The following UBXN10 variants were observed in gnomAD, a reference collection of about 807,000 sequenced individuals.
UBXN10 encodes UBX domain protein 10.
UBXN10 carries 6 observed loss-of-function variants against 6.9 expected under a neutral mutation model. The observed-to-expected ratio is 0.87, with a 90% CI of 0.48 to 1.72. UBXN10 has a LOEUF of 1.72. Among genes scored for constraint, UBXN10 ranks in the 40% most tolerant of loss-of-function variants. UBXN10 has a pLI of 0.01. For missense variants in UBXN10, 317 were observed against 348.4 expected, an observed-to-expected ratio of 0.91 and a Z score of 0.72; for synonymous variants, 131 against 135.2, an observed-to-expected ratio of 0.97 and a Z score of 0.21.
rs2018492305 is a variant in UBXN10 at position 20,191,147 on chromosome 1, G to A, written c.586G>A (p.Glu196Lys). The A allele has an allele frequency of 1.9e-6, 3 of 1,614,208 alleles. No homozygotes were observed. Among genetic ancestry groups the A allele is most frequent in the Non-Finnish European group, 2.5e-6 (3 of 1,180,034 alleles). ...AAATCTGGAGGAACCATCGGACCAA[G>A]AACCAAGGTTGCTGCTTGCTGTTAG... ...AGNLEEPSDQ[E>K]PRLLLAVRSP... Residue 196 changes from glutamate to lysine, a missense_variant, in exon 2 of 2, where the codon GAA (glutamate) becomes AAA (lysine). Physicochemically the swap from Glu to Lys is moderately conservative, Grantham distance 56. Transcript: ENST00000375099. The surrounding 1 kb of genome is among the most constrained non-coding windows in gnomAD (Gnocchi z 4.5).
rs1339837214 is a variant in UBXN10, at chr1:20,190,994, A to G, written c.433A>G (p.Ile145Val). The change falls in exon 2 of 2, where the codon ATC (isoleucine) becomes GTC (valine). Residue 145 changes from isoleucine to valine, a missense_variant. Physicochemically the swap from Ile to Val is conservative, Grantham distance 29. Coordinates refer to ENST00000375099, the MANE Select transcript of UBXN10 (RefSeq NM_152376.5). ...KKASSLQLSS[I>V]RALYQDETGT... ...GGCCAGCTCACTGCAACTGAGCAGTATCCGGGCTCTTTACCAAGACGAGAC... is the reference window on the plus strand; with the variant it reads ...GGCCAGCTCACTGCAACTGAGCAGTGTCCGGGCTCTTTACCAAGACGAGAC... The G allele has an allele frequency of 1.2e-6, 2 of 1,614,178 alleles. No individual in the cohort carries two copies. Among genetic ancestry groups the G allele is most frequent in the Admixed American group, 1.7e-5 (1 of 60,018 alleles).
Position 20,193,946 on chromosome 1 carries a change from C to T in UBXN10, c.*2542C>T, listed in dbSNP as rs1169718289. On this transcript the variant is annotated 3_prime_UTR_variant, in exon 2 of 2. Transcript: ENST00000375099. ...CCTTGCCCAGTTTGGGGTCATAGAC[C>T]TCAGTTATTCATTTAACCGATGGCC... The T allele has an allele frequency of 6.0e-6, 1 of 167,058 alleles. No individual in the cohort carries two copies. 10.3% of individuals were successfully genotyped at this position (167,058 alleles called of 1,614,324 possible).
chr1:20,194,528 G>C lies in UBXN10; in HGVS notation c.*3124G>C, dbSNP rs1013013644. 2 of 167,048 alleles carry C rather than the reference G, an allele frequency of 1.2e-5. No homozygotes were observed. The highest frequency in any genetic ancestry group is 4.8e-5 in the African/African-American group (2 of 41,450). 10.3% of individuals were successfully genotyped at this position (167,048 alleles called of 1,614,324 possible). A position where few individuals can be genotyped will look rare whatever the true frequency, so the allele number is the denominator to read the frequency against. On this transcript the variant is annotated 3_prime_UTR_variant, in exon 2 of 2. Coordinates refer to ENST00000375099, the MANE Select transcript of UBXN10 (RefSeq NM_152376.5). ...ATAAAATGCTTCACAGAGAAACTAA[G>C]AGCAGCCTTGGGGCATTCATTCCAA...
upstream of UBXN10, among the ~76,000 whole-genome samples, chr1:20,185,827 T>TA (rs2018364976): frequency 6.6e-6 from 1 of 151,968 alleles, no homozygotes; most frequent in Non-Finnish European, 1.5e-5. Context: ...CGGCCAGGGC[T>TA]CTCCCTCTCC....
chr1:20,191,567 G>A lies in UBXN10; in HGVS notation c.*163G>A. Reference sequence around the variant, plus strand: ...CGTGTCCTCTGAAGCAGTGAAGTCTGTGCCTATGCCGAGCGCGCTAAGAAG... The same window carrying A: ...CGTGTCCTCTGAAGCAGTGAAGTCTATGCCTATGCCGAGCGCGCTAAGAAG... On this transcript the variant is annotated 3_prime_UTR_variant, in exon 2 of 2. Transcript: ENST00000375099. The surrounding 1 kb of genome is among the most constrained non-coding windows in gnomAD (Gnocchi z 4.5). The A allele has an allele frequency of 8.8e-7, 1 of 1,135,938 alleles. No homozygotes were observed. The highest frequency in any genetic ancestry group is 1.2e-6 in the Non-Finnish European group (1 of 814,316). The allele number at this position is 1,135,938 out of a possible 1,614,324, so 70.4% of individuals were successfully genotyped here.
chr1:20,183,453 T>C (rs772749851), upstream of UBXN10, among the ~76,000 whole-genome samples: 1 of 151,900 alleles, frequency 6.6e-6, no homozygotes, highest in Non-Finnish European at 1.5e-5. Flanking sequence ...TGGATGCAGG[T>C]TGTAAAATTG....
chr1:20,186,230 C>T (rs1004613216), intron 1 of UBXN10, 77 bp downstream of exon 1: 86 of 152,452 alleles, frequency 5.6e-4, no homozygotes, highest in African/African-American at 1.9e-3. Flanking sequence ...AGGCCAGTCC[C>T]CGAGACCCCA....
intron 1 of UBXN10, among the ~76,000 whole-genome samples, chr1:20,189,419 C>G (rs972611082): frequency 6.6e-6 from 1 of 152,042 alleles, no homozygotes; most frequent in African/African-American, 2.4e-5. Context: ...AAGTGGCCAC[C>G]AAGATGGCAA....
rs769189710 is a variant in UBXN10, at chr1:20,190,905, C to G, written c.344C>G (p.Pro115Arg). ...TGASSSLNKY[P>R]VLPSINRKNL... is the part of the protein sequence containing the mutation. ...GCTTCCTCTTCTCTCAATAAGTATC[C>G]AGTCCTTCCTTCCATCAACAGAAAG... Residue 115 changes from proline to arginine, a missense_variant, in exon 2 of 2, where the codon CCA (proline) becomes CGA (arginine). Pro to Arg is a moderately radical substitution (Grantham distance 103, BLOSUM62 -2). Coordinates refer to ENST00000375099, the MANE Select transcript of UBXN10 (RefSeq NM_152376.5). 1 of 1,614,118 alleles carries G rather than the reference C, an allele frequency of 6.2e-7. No homozygotes were observed. Among genetic ancestry groups the G allele is most frequent in the South Asian group, 1.1e-5 (1 of 91,078 alleles).
upstream of UBXN10, among the ~76,000 whole-genome samples, chr1:20,183,576 G>A (rs1340092670): frequency 6.6e-6 from 1 of 152,244 alleles, no homozygotes; most frequent in Non-Finnish European, 1.5e-5. Context: ...AGCCGACCTA[G>A]GGAGGGTGCA....
chr1:20,193,648 C>G lies in UBXN10; in HGVS notation c.*2244C>G, dbSNP rs967888568. ...CTTGTTCCACTGTTAGAACCAAGTC[C>G]TCCTCCCCGGACACTTCTGATGCCC... On this transcript the variant is annotated 3_prime_UTR_variant, in exon 2 of 2. Transcript: ENST00000375099. The G allele has an allele frequency of 6.0e-6, 1 of 167,028 alleles. No individual in the cohort carries two copies. Among genetic ancestry groups the G allele is most frequent in the African/African-American group, 2.4e-5 (1 of 41,426 alleles). 10.3% of individuals were successfully genotyped at this position (167,028 alleles called of 1,614,324 possible).
In UBXN10 at chr1:20,190,633, C is replaced by A. The variant is rs746903879; in HGVS notation, c.72C>A (p.Ser24Arg). 1.1e-5 allele frequency: 18 copies of A among 1,613,648 alleles called. No homozygotes were observed. Among genetic ancestry groups the A allele is most frequent in the Non-Finnish European group, 8.5e-7 (1 of 1,179,982 alleles). ...CSTVVSTAVDSLIWQPNSLNM... is the reference protein window; with the variant it reads ...CSTVVSTAVDRLIWQPNSLNM... ...CTGTTGTCAGCACAGCAGTTGACAG[C>A]CTCATTTGGCAGCCAAACTCACTAA... Residue 24 changes from serine to arginine, a missense_variant, in exon 2 of 2, where the codon AGC becomes AGA. By Grantham distance (110) the Ser-to-Arg change is moderately radical. Coordinates refer to ENST00000375099, the MANE Select transcript of UBXN10 (RefSeq NM_152376.5).
chr1:20,188,009 G>A (rs1028763259), intron 1 of UBXN10, among the ~76,000 whole-genome samples: 2 of 152,206 alleles, frequency 1.3e-5, no homozygotes, highest in African/African-American at 2.4e-5. Flanking sequence ...CCACAAGTGG[G>A]GAGGGTGGGC....
rs2018413281 is a variant in UBXN10, at chr1:20,187,131, T to C, written c.-16+978T>C. On this transcript the variant is annotated intron_variant, in intron 1 of 1. Transcript: ENST00000375099. The surrounding 1 kb of genome is among the most constrained non-coding windows in gnomAD (Gnocchi z 4.6). ...CCTGCTTTAGCTTCTCCTATCCACA[T>C]TTCCTTCTTTCCAGTTGATTTGGTG... 6.6e-6 allele frequency among the ~76,000 whole-genome samples: 1 copy of C among 152,006 alleles called. No homozygotes were observed. Among genetic ancestry groups the C allele is most frequent in the East Asian group, 1.9e-4 (1 of 5,164 alleles).
Position 20,191,301 on chromosome 1 carries a change from C to T in UBXN10, c.740C>T (p.Pro247Leu), listed in dbSNP as rs779389971. The T allele has an allele frequency of 6.2e-7, 1 of 1,614,140 alleles. No homozygotes were observed. The highest frequency in any genetic ancestry group is 1.1e-5 in the South Asian group (1 of 91,086). Residue 247 changes from proline to leucine, a missense_variant, in exon 2 of 2, where the codon CCC becomes CTC. Coordinates refer to ENST00000375099, the MANE Select transcript of UBXN10 (RefSeq NM_152376.5). The surrounding 1 kb of genome is among the most constrained non-coding windows in gnomAD (Gnocchi z 4.5). ...RHCSIETMEV[P>L]RRRFSDLTKS... ...TGCAGCATTGAAACAATGGAGGTGC[C>T]CAGGAGGCGATTTTCTGACCTCACC...
chr1:20,189,694 T>C (rs1468324818), intron 1 of UBXN10, among the ~76,000 whole-genome samples: 1 of 151,826 alleles, frequency 6.6e-6, no homozygotes, highest in Admixed American at 6.6e-5. Context: ...TGCCACTGCA[T>C]TGCAGCCTGA....
chr1:20,185,524 C>T (rs542831227), upstream of UBXN10, among the ~76,000 whole-genome samples: 1 of 152,240 alleles, frequency 6.6e-6, no homozygotes, highest in South Asian at 2.1e-4. Flanking sequence ...TGGCTGGGGA[C>T]ATCAAAGGAG....
rs1465803546 is a variant in UBXN10, at chr1:20,191,595, TC to T, written c.*194del. ...CCTATGCCGAGCGCGCTAAGAAGTC[TC>T]CCTTCCAGCTGTTCCATTCTCTCCA... On this transcript the variant is annotated 3_prime_UTR_variant, in exon 2 of 2. Coordinates refer to ENST00000375099, the MANE Select transcript of UBXN10 (RefSeq NM_152376.5). The surrounding 1 kb of genome is among the most constrained non-coding windows in gnomAD (Gnocchi z 4.5). 1 of 821,582 alleles carries T rather than the reference TC, an allele frequency of 1.2e-6. No homozygotes were observed. The highest frequency in any genetic ancestry group is 2.8e-5 in the East Asian group (1 of 35,472). The allele number at this position is 821,582 out of a possible 1,614,324, so 50.9% of individuals were successfully genotyped here.
At chr1:20,184,879 C>T (rs556406351), upstream of UBXN10, among the ~76,000 whole-genome samples, 2 of 152,026 alleles carry the variant, frequency 1.3e-5, no homozygotes, top group Non-Finnish European at 2.9e-5. Context: ...AGAGGCTGGG[C>T]GAGGTGGCTC....
Sources: gnomAD v4.1 joint callset for allele counts (sites outside exome capture counted in the v4.1 genomes callset) on GRCh38, gnomAD v4.1.1 for gene constraint, Gnocchi (gnomAD v3.1) non-coding constraint, MANE v1.5 for transcripts, NCBI Gene and HGNC (gene_info 2026-07-23, HGNC 2026-07-21) for gene names.